TRAPPC6A: variants seen among roughly 807,000 people sequenced by gnomAD.
TRAPPC6A encodes TRAPP complex subunit 6A.
TRAPPC6A carries 25 observed loss-of-function variants against 20.8 expected under a neutral mutation model. The ratio of observed to expected loss-of-function variants is 1.20; its 90% CI spans 0.88 to 1.68. The LOEUF (loss-of-function observed/expected upper bound fraction) is 1.68. Ranked by LOEUF, TRAPPC6A falls within the 40% of genes most tolerant of loss-of-function variation. The pLI is 0.00. For missense variants in TRAPPC6A, 215 were observed against 211.6 expected, an observed-to-expected ratio of 1.02 and a Z score of -0.10; for synonymous variants, 96 against 93.3, an observed-to-expected ratio of 1.03 and a Z score of -0.16.
At chr19:45,170,574 C>T (rs2122844555) in intron 1 of TRAPPC6A, among the ~76,000 whole-genome samples, 1 of 152,312 alleles carries the variant, frequency 6.6e-6, no homozygotes, top group South Asian at 2.1e-4. Flanking sequence ...CCAGCAAGTT[C>T]AGCTTTTCCC....
intron 1 of TRAPPC6A, among the ~76,000 whole-genome samples, chr19:45,169,933 G>A (rs541962904): frequency 2.0e-5 from 3 of 152,282 alleles, no homozygotes; most frequent in African/African-American, 7.2e-5. Context: ...ATTTCCTAGT[G>A]TCCTCCAGGA....
intron 1 of TRAPPC6A, among the ~76,000 whole-genome samples, chr19:45,165,523 T>C (rs951415898): frequency 3.3e-5 from 5 of 152,220 alleles, no homozygotes; most frequent in African/African-American, 4.8e-5. Flanking sequence ...ATAACCCCCA[T>C]GACAGGCTGC....
intron 1 of TRAPPC6A, 90 bp downstream of exon 1, chr19:45,178,045 T>C (rs1267370713): frequency 1.3e-6 from 2 of 1,590,702 alleles, no homozygotes; most frequent in Non-Finnish European, 1.7e-6. Flanking sequence ...CTGGGCCGGG[T>C]TCGAACCCGG....
chr19:45,176,382 T>C (rs1245537556), intron 1 of TRAPPC6A, among the ~76,000 whole-genome samples: 1 of 151,582 alleles, frequency 6.6e-6, no homozygotes, highest in Non-Finnish European at 1.5e-5. Flanking sequence ...GAGAATTGCG[T>C]GAACCCAGGA....
intron 1 of TRAPPC6A, among the ~76,000 whole-genome samples, chr19:45,174,834 A>AT (rs1969331811): frequency 6.6e-6 from 1 of 152,006 alleles, no homozygotes; most frequent in African/African-American, 2.4e-5. Context: ...CTTTAAAAAA[A>AT]AATCAGCCGG....
chr19:45,169,392 G>A (rs1008243736), intron 1 of TRAPPC6A, among the ~76,000 whole-genome samples: 1 of 152,172 alleles, frequency 6.6e-6, no homozygotes, highest in African/African-American at 2.4e-5. Flanking sequence ...TACCTCCTGG[G>A]TTCAGGTGAT....
At position 45,168,913 on chromosome 19, in the gene TRAPPC6A, C is replaced by T. The variant is rs544039620; in HGVS notation, c.85-3719G>A. ...ATGGCGGGGGGGCCTGAGCTGAGGT[C>T]GCCCATATCTGAAGCCAAGGTGGCC... is the stretch of plus-strand genomic sequence containing the variant. On this transcript the variant is annotated intron_variant, in intron 1 of 5. Coordinates refer to ENST00000585934, the MANE Select transcript of TRAPPC6A (RefSeq NM_001270891.2). Among the ~76,000 whole-genome samples the T allele has an allele frequency of 2.4e-3, 358 of 152,302 alleles. 2 individuals carry two copies. The highest frequency in any genetic ancestry group is 8.3e-3 in the African/African-American group (346 of 41,560).
At position 45,167,993 on chromosome 19, in the gene TRAPPC6A, CTTTTTTTTTTT is replaced by C. The variant is rs968943946; in HGVS notation, c.85-2810_85-2800del. On this transcript the variant is annotated intron_variant, in intron 1 of 5. Transcript: ENST00000585934. ...AGCCCAGGCAACAGCAAGACCCTGT[CTTTTTTTTTTT>C]TTTTTTTTTTTTTTTTGAGACAGAG... Among the ~76,000 whole-genome samples, 298 of 99,992 alleles carry C rather than the reference CTTTTTTTTTTT, an allele frequency of 3.0e-3. 1 individual carries two copies. The highest frequency in any genetic ancestry group is 0.011 in the African/African-American group (278 of 24,828). The allele number at this position is 99,992 out of a possible 152,430, so 65.6% of individuals were successfully genotyped here.
At position 45,164,215 on chromosome 19, in the gene TRAPPC6A, G is replaced by A. The variant is rs1462315860; in HGVS notation, c.303C>T (p.Pro101=). Residue 101 remains proline, a synonymous_variant, in exon 4 of 6, where the codon CCC becomes CCT. Transcript: ENST00000585934. ...GGCCAGAGGCCATCGGGAGGAGGAG[G>A]GGGAAGCTGTTGTCTTGCAGGACGT... ...GTYVLQDNSF[P]LLLPMASGLQ... is the part of the protein sequence containing the mutation. 2 of 1,610,032 alleles carry A rather than the reference G, an allele frequency of 1.2e-6. No homozygotes were observed. Among genetic ancestry groups the A allele is most frequent in the East Asian group, 2.2e-5 (1 of 44,828 alleles).
intron 1 of TRAPPC6A, among the ~76,000 whole-genome samples, chr19:45,174,916 C>T (rs1269393437): frequency 1.4e-5 from 2 of 145,714 alleles, no homozygotes; most frequent in African/African-American, 5.1e-5. Context: ...GTCAGGAGAT[C>T]GAGACCATCC....
chr19:45,163,008 A>T lies in TRAPPC6A; in HGVS notation c.*184T>A. 1 of 599,334 alleles carries T rather than the reference A, an allele frequency of 1.7e-6. No individual in the cohort carries two copies. The highest frequency in any genetic ancestry group is 3.1e-5 in the East Asian group (1 of 31,970). The allele number at this position is 599,334 out of a possible 1,614,324, so 37.1% of individuals were successfully genotyped here. On this transcript the variant is annotated 3_prime_UTR_variant, in exon 6 of 6. Transcript: ENST00000585934. The surrounding 1 kb of genome is among the most constrained non-coding windows in gnomAD (Gnocchi z 5.3). ...AGGCGGGAATCCCACCACAGTCCTG[A>T]CCGCAGCTGGGACCCCTTTGCCTCC...
intron 1 of TRAPPC6A, among the ~76,000 whole-genome samples, chr19:45,166,126 G>C (rs1969146191): frequency 6.6e-6 from 1 of 152,068 alleles, no homozygotes. Flanking sequence ...TGCCCAGGCT[G>C]GTCTCGAACT....
At position 45,172,519 on chromosome 19, in the gene TRAPPC6A, A is replaced by G. The variant is rs1313485479; in HGVS notation, c.84+5616T>C. On this transcript the variant is annotated intron_variant, in intron 1 of 5. Coordinates refer to ENST00000585934, the MANE Select transcript of TRAPPC6A (RefSeq NM_001270891.2). The surrounding 1 kb of genome is among the most constrained non-coding windows in gnomAD (Gnocchi z 4.2). ...CAGGGGTGTGGTGGGGAACCCAGGG[A>G]AGGAGCAGCCCTGGTTAAGAAAAGC... Among the ~76,000 whole-genome samples the G allele has an allele frequency of 6.6e-6, 1 of 151,468 alleles. No individual in the cohort carries two copies. Among genetic ancestry groups the G allele is most frequent in the Non-Finnish European group, 1.5e-5 (1 of 67,996 alleles).
At position 45,163,047 on chromosome 19, in the gene TRAPPC6A, CCTCAATTTGATA is replaced by C; in HGVS notation, c.*133_*144del. On this transcript the variant is annotated 3_prime_UTR_variant, in exon 6 of 6. Transcript: ENST00000585934. The surrounding 1 kb of genome is among the most constrained non-coding windows in gnomAD (Gnocchi z 5.3). Reference sequence around the variant, plus strand: ...CCCTTTGCCTCCTCTGACACCCCCACCTCAATTTGATACCCACTTCCTGAGCAAATGTGACCC... The same window carrying C: ...CCCTTTGCCTCCTCTGACACCCCCACCCCACTTCCTGAGCAAATGTGACCC... The C allele has an allele frequency of 4.3e-6, 4 of 926,806 alleles. No individual in the cohort carries two copies. In the South Asian group the frequency reaches 6.6e-5, roughly 15 times the overall value. 57.4% of individuals were successfully genotyped at this position (926,806 alleles called of 1,614,324 possible). A position where few individuals can be genotyped will look rare whatever the true frequency, so the allele number is the denominator to read the frequency against.
At chr19:45,175,954 A>G (rs937028194) in intron 1 of TRAPPC6A, among the ~76,000 whole-genome samples, 2 of 152,262 alleles carry the variant, frequency 1.3e-5, no homozygotes, top group Admixed American at 1.3e-4. Context: ...ATGATGACAA[A>G]GCTCCAAGAG....
In TRAPPC6A at chr19:45,172,591, T is replaced by A. The variant is rs543487485; in HGVS notation, c.84+5544A>T. ...CACAGATGGGTGAGTGAGGGGTGGG[T>A]GCGAGAAGCCTGCAGGACTTCCCTG... On this transcript the variant is annotated intron_variant, in intron 1 of 5. Coordinates refer to ENST00000585934, the MANE Select transcript of TRAPPC6A (RefSeq NM_001270891.2). The surrounding 1 kb of genome is among the most constrained non-coding windows in gnomAD (Gnocchi z 4.2). 6.6e-6 allele frequency among the ~76,000 whole-genome samples: 1 copy of A among 151,480 alleles called. No individual in the cohort carries two copies. The highest frequency in any genetic ancestry group is 1.5e-5 in the Non-Finnish European group (1 of 68,014).
intron 1 of TRAPPC6A, among the ~76,000 whole-genome samples, chr19:45,175,036 C>A (rs1969337893): frequency 6.6e-6 from 1 of 151,698 alleles, no homozygotes; most frequent in Admixed American, 6.6e-5. Context: ...CCAAGGCAGG[C>A]AGATCACAAG....
intron 1 of TRAPPC6A, among the ~76,000 whole-genome samples, chr19:45,174,290 T>C (rs532422130): frequency 2.0e-5 from 3 of 152,094 alleles, no homozygotes; most frequent in African/African-American, 7.2e-5. Context: ...AGCACTCATA[T>C]GAGGGGAGGG....
intron 1 of TRAPPC6A, among the ~76,000 whole-genome samples, chr19:45,175,774 G>A (rs1969358808): frequency 6.6e-6 from 1 of 151,634 alleles, no homozygotes. Flanking sequence ...GACAAGGCAG[G>A]TGTTGGGACT....
Sources: allele counts gnomAD v4.1 joint callset (sites outside exome capture counted in the v4.1 genomes callset), GRCh38; gene constraint gnomAD v4.1.1; non-coding constraint Gnocchi (gnomAD v3.1); transcripts MANE v1.5; gene names NCBI Gene and HGNC (gene_info 2026-07-23, HGNC 2026-07-21).